Variants in TMEM154 observed in about 807,000 individuals in gnomAD.
TMEM154 encodes the protein transmembrane protein 154.
TMEM154 carries 27 observed loss-of-function variants against 24.5 expected under a neutral mutation model. The observed-to-expected ratio is 1.10, with a 90% confidence interval of 0.81 to 1.52. The LOEUF is 1.52. Among genes scored for constraint, TMEM154 ranks in the 40% most tolerant of loss-of-function variants. TMEM154 has a pLI of 0.00. For missense variants in TMEM154, 228 were observed against 213.4 expected (o/e 1.07, Z -0.43); for synonymous variants, 67 against 76.8 (o/e 0.87, Z 0.67).
intron 1 of TMEM154, among the ~76,000 whole-genome samples, chr4:152,662,137 T>A (rs551566811): frequency 1.3e-5 from 2 of 152,248 alleles, no homozygotes; most frequent in East Asian, 3.9e-4. Flanking sequence ...TCTCTGCTCA[T>A]CCTTCAGTTT....
rs764033454 is a variant in TMEM154 at position 152,654,189 on chromosome 4, C to T, written c.65-1262G>A. 1.3e-4 allele frequency among the ~76,000 whole-genome samples: 20 copies of T among 152,292 alleles called. 1 individual carries two copies. The highest frequency in any genetic ancestry group is 1.2e-3 in the South Asian group (6 of 4,828). ...AAGCTGAAGGTCTTTGTCCTAATAT[C>T]GTATAATGTTGTCTACCTTTCAGAA... On this transcript the variant is annotated intron_variant, in intron 1 of 6. Transcript: ENST00000304385.
In TMEM154 at chr4:152,660,616, G is replaced by GT. The variant is rs1212698088; in HGVS notation, c.65-7690_65-7689insA. ...TGGAGGAGTGACGATTTGAAACCAG[G>GT]GGGCCGATGGCAGAACCAGAGCTTA... On this transcript the variant is annotated intron_variant, in intron 1 of 6. Coordinates refer to ENST00000304385, the MANE Select transcript of TMEM154 (RefSeq NM_152680.3). Among the ~76,000 whole-genome samples, 4 of 152,262 alleles carry GT rather than the reference G, an allele frequency of 2.6e-5. No homozygotes were observed. The East Asian group carries it at 7.7e-4, about 29-fold the overall frequency.
chr4:152,631,792 CCTT>C (rs1373063108), intron 6 of TMEM154, among the ~76,000 whole-genome samples: 1,392 of 131,470 alleles, frequency 0.011, 67 homozygotes, highest in African/African-American at 0.034. Context: ...AATCTATCCC[CCTT>C]TTTTTTTTTT....
chr4:152,675,223 C>T (rs531100817), intron 1 of TMEM154, among the ~76,000 whole-genome samples: 135 of 145,700 alleles, frequency 9.3e-4, no homozygotes, highest in African/African-American at 3.1e-3. Flanking sequence ...TATGTCTACA[C>T]AAACTTTAGC....
intron 1 of TMEM154, among the ~76,000 whole-genome samples, chr4:152,657,536 C>G (rs1026057587): frequency 5.3e-5 from 8 of 152,068 alleles, no homozygotes. Context: ...AAAAGAAGAC[C>G]TGTTTAATGA....
At position 152,626,665 on chromosome 4, in the gene TMEM154, C is replaced by G. The variant is rs1414156374; in HGVS notation, c.*1881G>C. 6.6e-6 allele frequency: 1 copy of G among 152,008 alleles called. No homozygotes were observed. Among genetic ancestry groups the G allele is most frequent in the East Asian group, 1.9e-4 (1 of 5,192 alleles). 9.4% of individuals were successfully genotyped at this position (152,008 alleles called of 1,614,324 possible). A position where few individuals can be genotyped will look rare whatever the true frequency, so the allele number is the denominator to read the frequency against. On this transcript the variant is annotated 3_prime_UTR_variant, in exon 7 of 7. Coordinates refer to ENST00000304385, the MANE Select transcript of TMEM154 (RefSeq NM_152680.3). ...TTCATCAACATGAAGTTCCAGGACCCCAGATGCCTCTCTGAGAAGTTCATT... is the reference window on the plus strand; with the variant it reads ...TTCATCAACATGAAGTTCCAGGACCGCAGATGCCTCTCTGAGAAGTTCATT...
chr4:152,650,462 T>C (rs993342766), intron 3 of TMEM154, among the ~76,000 whole-genome samples: 1 of 152,300 alleles, frequency 6.6e-6, no homozygotes, highest in Non-Finnish European at 1.5e-5. Flanking sequence ...TTCCATGGCA[T>C]CTTCAGGCTT....
chr4:152,628,174 C>A lies in TMEM154; in HGVS notation c.*372G>T. The A allele has an allele frequency of 3.9e-6, 1 of 253,516 alleles. No individual in the cohort carries two copies. The allele number at this position is 253,516 out of a possible 1,614,324, so 15.7% of individuals were successfully genotyped here. A position where few individuals can be genotyped will look rare whatever the true frequency, so the allele number is the denominator to read the frequency against. ...CGATAAAACAGCTTCCTGATTTAGGCCCTAAGGAATGAAGCAGAAAGGTGA... is the reference window on the plus strand; with the variant it reads ...CGATAAAACAGCTTCCTGATTTAGGACCTAAGGAATGAAGCAGAAAGGTGA... On this transcript the variant is annotated 3_prime_UTR_variant, in exon 7 of 7. Transcript: ENST00000304385.
intron 1 of TMEM154, among the ~76,000 whole-genome samples, chr4:152,675,989 C>G (rs1579541823): frequency 6.6e-6 from 1 of 152,288 alleles, no homozygotes; most frequent in East Asian, 1.9e-4. Flanking sequence ...GTCGTAATGG[C>G]CAGTTCTCAG....
intron 1 of TMEM154, among the ~76,000 whole-genome samples, chr4:152,657,802 TAA>T (rs1728519967): frequency 6.6e-6 from 1 of 151,850 alleles, no homozygotes; most frequent in Non-Finnish European, 1.5e-5. Context: ...GACAACAGGG[TAA>T]TAAAGTCAAA....
rs1439000353 is a variant in TMEM154, at chr4:152,624,215, T to G, written c.*4331A>C. ...GTACAGAGTTCATATAAAGCTCTATTTTACATAATTGTATATACTGCTATC... is the reference window on the plus strand; with the variant it reads ...GTACAGAGTTCATATAAAGCTCTATGTTACATAATTGTATATACTGCTATC... On this transcript the variant is annotated 3_prime_UTR_variant, in exon 7 of 7. Coordinates refer to ENST00000304385, the MANE Select transcript of TMEM154 (RefSeq NM_152680.3). 1 of 152,190 alleles carries G rather than the reference T, an allele frequency of 6.6e-6. No individual in the cohort carries two copies. The highest frequency in any genetic ancestry group is 1.5e-5 in the Non-Finnish European group (1 of 68,038). The allele number at this position is 152,190 out of a possible 1,614,324, so 9.4% of individuals were successfully genotyped here. A position where few individuals can be genotyped will look rare whatever the true frequency, so the allele number is the denominator to read the frequency against.
chr4:152,646,709 A>G (rs1394557965), intron 3 of TMEM154: 16 of 453,642 alleles, frequency 3.5e-5, no homozygotes, highest in Non-Finnish European at 6.3e-5. Context: ...TTAGCCTGAC[A>G]GTACTCTCCT....
At chr4:152,657,794 CAACAGGG>C (rs1728519821) in intron 1 of TMEM154, among the ~76,000 whole-genome samples, 1 of 152,058 alleles carries the variant, frequency 6.6e-6, no homozygotes, top group Non-Finnish European at 1.5e-5. Flanking sequence ...GGCCAGGAGA[CAACAGGG>C]TAATAAAGTC....
intron 3 of TMEM154, among the ~76,000 whole-genome samples, chr4:152,646,202 C>T (rs1255940524): frequency 6.6e-6 from 1 of 152,032 alleles, no homozygotes; most frequent in African/African-American, 2.4e-5. Flanking sequence ...CCGTTGTGGG[C>T]ATGGATATAT....
intron 1 of TMEM154, among the ~76,000 whole-genome samples, chr4:152,675,623 G>T (rs1382067121): frequency 2.0e-5 from 3 of 151,368 alleles, no homozygotes; most frequent in African/African-American, 7.3e-5. Flanking sequence ...GTGAAACTCT[G>T]TCTCAAAAAG....
rs1267944460 is a variant in TMEM154, at chr4:152,626,080, G to A, written c.*2466C>T. 1.3e-5 allele frequency: 2 copies of A among 152,528 alleles called. No homozygotes were observed. Among genetic ancestry groups the A allele is most frequent in the Admixed American group, 1.3e-4 (2 of 15,266 alleles). The allele number at this position is 152,528 out of a possible 1,614,324, so 9.4% of individuals were successfully genotyped here. A position where few individuals can be genotyped will look rare whatever the true frequency, so the allele number is the denominator to read the frequency against. ...TTGGGTAACAAAGCCCTTCCCAGAG[G>A]GAGGAGTCACACCATTGGGTCAAGA... is the stretch of plus-strand genomic sequence containing the variant. On this transcript the variant is annotated 3_prime_UTR_variant, in exon 7 of 7. Transcript: ENST00000304385.
At chr4:152,649,724 T>C (rs892575574) in intron 3 of TMEM154, among the ~76,000 whole-genome samples, 7 of 152,300 alleles carry the variant, frequency 4.6e-5, no homozygotes, top group African/African-American at 1.7e-4. Flanking sequence ...TGATGGGAAA[T>C]GTTATACTGG....
chr4:152,645,741 G>C (rs1300548558), intron 3 of TMEM154, among the ~76,000 whole-genome samples: 1 of 152,222 alleles, frequency 6.6e-6, no homozygotes, highest in Non-Finnish European at 1.5e-5. Context: ...GCAGTGAGCT[G>C]CTGTAATTTC....
At chr4:152,670,462 G>A (rs1255711591) in intron 1 of TMEM154, among the ~76,000 whole-genome samples, 2 of 152,122 alleles carry the variant, frequency 1.3e-5, no homozygotes, top group African/African-American at 4.8e-5. Flanking sequence ...TGGGCTTGGT[G>A]GCAGGTGCCT....
Sources: allele counts gnomAD v4.1 joint callset (sites outside exome capture counted in the v4.1 genomes callset), GRCh38; gene constraint gnomAD v4.1.1; transcripts MANE v1.5; gene names NCBI Gene and HGNC (gene_info 2026-07-23, HGNC 2026-07-21).